Variants in RREB1 observed in about 807,000 individuals in gnomAD.
The protein encoded by RREB1 is ras responsive element binding protein 1.
RREB1 carries 27 observed loss-of-function variants against 117.8 expected under a neutral mutation model. The ratio of observed to expected loss-of-function variants is 0.23; its 90% confidence interval spans 0.17 to 0.32. The LOEUF is 0.32. RREB1 is among the 10% of genes least tolerant of loss of function. RREB1 has a pLI of 1.00. For missense variants in RREB1, 2,577 were observed against 2,378.2 expected, an observed-to-expected ratio of 1.08 and a Z score of -1.74; for synonymous variants, 1,298 against 1,026.7, an observed-to-expected ratio of 1.26 and a Z score of -5.05.
In RREB1 at chr6:7,229,559, C is replaced by T. The variant is rs781765966; in HGVS notation, c.1460C>T (p.Pro487Leu). 4.3e-6 allele frequency: 7 copies of T among 1,613,096 alleles called. No individual in the cohort carries two copies. Among genetic ancestry groups the T allele is most frequent in the Admixed American group, 3.3e-5 (2 of 59,966 alleles). The change falls in exon 10 of 13, where the codon CCG (proline) becomes CTG (leucine). Residue 487 changes from proline (P) to leucine (L), a missense_variant. Pro to Leu is a moderately conservative substitution (Grantham distance 98). Coordinates refer to ENST00000379938, the MANE Select transcript of RREB1 (RefSeq NM_001003699.4). This position sits in a 1 kb window ranked among gnomAD's most constrained non-coding sequence, Gnocchi z 4.5. The part of the protein sequence containing the change: ...AASAPPQISL[P>L]PFSKAPAAPL... ...TCGGCTCCCCCTCAGATCAGTCTTCCGCCCTTCTCCAAGGCCCCTGCCGCC... is the reference window on the plus strand; with the variant it reads ...TCGGCTCCCCCTCAGATCAGTCTTCTGCCCTTCTCCAAGGCCCCTGCCGCC...
intron 8 of RREB1, among the ~76,000 whole-genome samples, chr6:7,225,119 C>T (rs1372048868): frequency 6.6e-6 from 1 of 152,230 alleles, no homozygotes; most frequent in Non-Finnish European, 1.5e-5. Flanking sequence ...AGACTCTCAA[C>T]TCAAAAAAGT....
rs1348908946 is a variant in RREB1 at position 7,246,657 on chromosome 6, G to A, written c.4207G>A (p.Ala1403Thr). Residue 1403 changes from alanine (A) to threonine (T), a missense_variant, in exon 12 of 13, where the codon GCC (alanine) becomes ACC (threonine). Physicochemically the swap from Ala to Thr is moderately conservative, Grantham distance 58. Transcript: ENST00000379938. ...EHGTEESTGDADGAEEDASSN... is the reference protein window; with the variant it reads ...EHGTEESTGDTDGAEEDASSN... ...TGGCACTGAGGAGAGCACTGGGGAC[G>A]CCGACGGCGCGGAAGAGGACGCGTC... 6.3e-7 allele frequency: 1 copy of A among 1,576,480 alleles called. No individual in the cohort carries two copies. The highest frequency in any genetic ancestry group is 8.6e-7 in the Non-Finnish European group (1 of 1,161,260).
At chr6:7,122,514 C>T (rs1465432539) in intron 1 of RREB1, among the ~76,000 whole-genome samples, 2 of 152,154 alleles carry the variant, frequency 1.3e-5, no homozygotes, top group Admixed American at 6.5e-5. Flanking sequence ...GATCCTCCTG[C>T]TTTGGCCTCC....
intron 1 of RREB1, among the ~76,000 whole-genome samples, chr6:7,119,421 G>T (rs962803301): frequency 7.9e-5 from 12 of 152,202 alleles, no homozygotes; most frequent in Admixed American, 6.5e-4. Context: ...AGTGCCACCA[G>T]TGTGTGGCCT....
intron 6 of RREB1, among the ~76,000 whole-genome samples, chr6:7,207,171 A>C (rs1766323047): frequency 6.6e-6 from 1 of 152,232 alleles, no homozygotes; most frequent in Non-Finnish European, 1.5e-5. Flanking sequence ...GTATCCATTG[A>C]AACATGAATC....
At chr6:7,217,774 A>G (rs2113040236) in intron 8 of RREB1, 1 of 152,260 alleles carries the variant, frequency 6.6e-6, no homozygotes, top group East Asian at 1.9e-4. Flanking sequence ...ATATAAAATT[A>G]AAATTTTTAG....
rs1188463755 is a variant in RREB1, at chr6:7,251,851, A to C, written c.*2883A>C. 6.6e-6 allele frequency: 1 copy of C among 152,250 alleles called. No homozygotes were observed. 9.4% of individuals were successfully genotyped at this position (152,250 alleles called of 1,614,324 possible). On this transcript the variant is annotated 3_prime_UTR_variant, in exon 13 of 13. Transcript: ENST00000379938. ...GTTTATGCCACATGAACAGAGAATC[A>C]CAAGTTTGGTTTTGGTACTTTTTGT... is the stretch of plus-strand genomic sequence containing the variant.
At chr6:7,143,851 CTTTTTTTTT>C (rs11365387) in intron 1 of RREB1, among the ~76,000 whole-genome samples, 1 of 89,382 alleles carries the variant, frequency 1.1e-5, no homozygotes, top group Non-Finnish European at 2.3e-5. Context: ...TTTTTTCTTT[CTTTTTTTTT>C]TTTTTTTTTT....
At chr6:7,224,665 A>C (rs1188048995) in intron 8 of RREB1, among the ~76,000 whole-genome samples, 2 of 152,180 alleles carry the variant, frequency 1.3e-5, no homozygotes, top group African/African-American at 4.8e-5. Context: ...GGCTGTGTCC[A>C]TTCTGCTTCC....
intron 6 of RREB1, among the ~76,000 whole-genome samples, chr6:7,199,731 A>G (rs767688891): frequency 5.9e-5 from 9 of 151,890 alleles, no homozygotes; most frequent in Admixed American, 3.3e-4. Context: ...TGGTGCCATC[A>G]TAGCTCACTG....
intron 8 of RREB1, chr6:7,217,619 C>T (rs1005356174): frequency 1.3e-5 from 2 of 152,162 alleles, no homozygotes; most frequent in Non-Finnish European, 2.9e-5. Context: ...CAAGTGCTGA[C>T]TTGGTTTCCC....
Position 7,246,648 on chromosome 6 carries a change from A to G in RREB1, c.4198A>G (p.Thr1400Ala). ...GGAGGAGCATGGCACTGAGGAGAGC[A>G]CTGGGGACGCCGACGGCGCGGAAGA... is the stretch of plus-strand genomic sequence containing the variant. ...PEEEHGTEES[T>A]GDADGAEEDA... The change falls in exon 12 of 13, where the codon ACT becomes GCT. Residue 1400 changes from threonine to alanine, a missense_variant. Coordinates refer to ENST00000379938, the MANE Select transcript of RREB1 (RefSeq NM_001003699.4). The G allele has an allele frequency of 3.2e-6, 5 of 1,575,460 alleles. No homozygotes were observed. The highest frequency in any genetic ancestry group is 4.3e-6 in the Non-Finnish European group (5 of 1,160,682).
At chr6:7,191,105 T>G (rs1765376732) in intron 6 of RREB1, among the ~76,000 whole-genome samples, 1 of 152,262 alleles carries the variant, frequency 6.6e-6, no homozygotes. Flanking sequence ...GGCGTAGTTA[T>G]TGTCTTCTAC....
intron 1 of RREB1, among the ~76,000 whole-genome samples, chr6:7,124,188 C>G (rs761587925): frequency 2.0e-5 from 3 of 152,078 alleles, no homozygotes; most frequent in Non-Finnish European, 4.4e-5. Flanking sequence ...AACACGGTGG[C>G]CTGTGTGTTC....
intron 1 of RREB1, among the ~76,000 whole-genome samples, chr6:7,120,692 G>A (rs1179329927): frequency 2.0e-5 from 3 of 148,650 alleles, no homozygotes; most frequent in African/African-American, 7.5e-5. Context: ...TTTTTTTTGA[G>A]ACAAGGCCTC....
chr6:7,184,001 C>G (rs1318731043), intron 4 of RREB1: 1 of 152,108 alleles, frequency 6.6e-6, no homozygotes, highest in Non-Finnish European at 1.5e-5. Flanking sequence ...TTTTATCTTT[C>G]AGCTCAGGAG....
chr6:7,199,778 C>A (rs1240198038), intron 6 of RREB1, among the ~76,000 whole-genome samples: 1 of 152,100 alleles, frequency 6.6e-6, no homozygotes, highest in Non-Finnish European at 1.5e-5. Flanking sequence ...ATCCTCCCAC[C>A]TTACCCTCCC....
At chr6:7,116,434 T>C (rs1761402858) in intron 1 of RREB1, among the ~76,000 whole-genome samples, 1 of 152,218 alleles carries the variant, frequency 6.6e-6, no homozygotes, top group Non-Finnish European at 1.5e-5. Flanking sequence ...CCCCCATCTG[T>C]CAAGTCTTGT....
intron 2 of RREB1, among the ~76,000 whole-genome samples, chr6:7,177,723 C>CTGTCTTTCT (rs564514217): frequency 6.6e-6 from 1 of 151,692 alleles, no homozygotes; most frequent in African/African-American, 2.4e-5. Flanking sequence ...TTTTCTTTTT[C>CTGTCTTTCT]TGTCTTTCTT....
Sources: gnomAD v4.1 joint callset for allele counts (sites outside exome capture counted in the v4.1 genomes callset) on GRCh38, gnomAD v4.1.1 for gene constraint, Gnocchi (gnomAD v3.1) non-coding constraint, MANE v1.5 for transcripts, NCBI Gene and HGNC (gene_info 2026-07-23, HGNC 2026-07-21) for gene names.